KCNJ15: variants seen among roughly 807,000 people sequenced by gnomAD.
KCNJ15 encodes the protein ATP-sensitive inward rectifier potassium channel 15.
Under a neutral mutation model 23.0 loss-of-function variants are expected in KCNJ15, and 14 were observed. That is an observed-to-expected ratio of 0.61 (90% CI 0.40 to 0.95). KCNJ15 has a LOEUF of 0.95. Among genes scored for constraint, KCNJ15 ranks in the 40% least tolerant of loss-of-function variants. The pLI is 0.00. For missense variants in KCNJ15, 388 were observed against 461.8 expected, an observed-to-expected ratio of 0.84 and a Z score of 1.46; for synonymous variants, 185 against 183.2, an observed-to-expected ratio of 1.01 and a Z score of -0.08.
At chr21:38,271,294 G>A (rs1204911507) in intron 1 of KCNJ15, among the ~76,000 whole-genome samples, 4 of 152,286 alleles carry the variant, frequency 2.6e-5, no homozygotes, top group South Asian at 4.1e-4. Context: ...ACTGAAGCTC[G>A]GAGGGGCTGG....
chr21:38,277,376 C>T (rs1982829187), intron 1 of KCNJ15, among the ~76,000 whole-genome samples: 1 of 152,084 alleles, frequency 6.6e-6, no homozygotes, highest in South Asian at 2.1e-4. Flanking sequence ...CAGTAATTTC[C>T]AGGCTAATTT....
At chr21:38,271,562 A>G (rs1000261790) in intron 1 of KCNJ15, among the ~76,000 whole-genome samples, 8 of 152,202 alleles carry the variant, frequency 5.3e-5, no homozygotes, top group Non-Finnish European at 1.2e-4. Flanking sequence ...AGCAGTTGAA[A>G]TGTGTTTATA....
At chr21:38,260,679 G>A (rs574803767) in intron 1 of KCNJ15, among the ~76,000 whole-genome samples, 1 of 152,298 alleles carries the variant, frequency 6.6e-6, no homozygotes, top group Admixed American at 6.5e-5. Flanking sequence ...TTTGCATTTT[G>A]GTACAAAACA....
At chr21:38,276,587 AAAG>A (rs1306292557) in intron 1 of KCNJ15, among the ~76,000 whole-genome samples, 1 of 152,186 alleles carries the variant, frequency 6.6e-6, no homozygotes, top group African/African-American at 2.4e-5. Context: ...GAGAAGCAGA[AAAG>A]AGAACTATTG....
intron 1 of KCNJ15, among the ~76,000 whole-genome samples, chr21:38,264,323 G>A (rs948578021): frequency 1.3e-5 from 2 of 152,216 alleles, no homozygotes; most frequent in Admixed American, 1.3e-4. Context: ...ACTAGCCTAA[G>A]GGACTAATCT....
chr21:38,257,586 A>G (rs1270872371), intron 1 of KCNJ15, among the ~76,000 whole-genome samples: 2 of 152,232 alleles, frequency 1.3e-5, no homozygotes, highest in Non-Finnish European at 2.9e-5. Flanking sequence ...TCCTTTGTCA[A>G]TGGGGAAATC....
At chr21:38,240,401 A>C (rs980511419) in intron 1 of KCNJ15, among the ~76,000 whole-genome samples, 1 of 152,202 alleles carries the variant, frequency 6.6e-6, no homozygotes, top group Admixed American at 6.5e-5. Flanking sequence ...GAAAAAGCAA[A>C]AGTGGTTAAG....
intron 1 of KCNJ15, among the ~76,000 whole-genome samples, chr21:38,242,901 G>A (rs1004253445): frequency 1.3e-5 from 2 of 152,194 alleles, no homozygotes; most frequent in African/African-American, 4.8e-5. Context: ...CTATGGAAGG[G>A]TGCCGGGCCC....
chr21:38,267,938 G>A (rs1047794263), intron 1 of KCNJ15, among the ~76,000 whole-genome samples: 1 of 152,080 alleles, frequency 6.6e-6, no homozygotes, highest in South Asian at 2.1e-4. Context: ...GGTTACATCT[G>A]TTCTTGTAGT....
intron 1 of KCNJ15, among the ~76,000 whole-genome samples, chr21:38,263,779 G>T (rs913317063): frequency 7.9e-5 from 12 of 152,150 alleles, no homozygotes; most frequent in Non-Finnish European, 1.8e-4. Context: ...CATGTGACTG[G>T]CCAGCCTTCG....
intron 1 of KCNJ15, among the ~76,000 whole-genome samples, chr21:38,238,893 T>G (rs960878554): frequency 6.6e-6 from 1 of 152,258 alleles, no homozygotes; most frequent in African/African-American, 2.4e-5. Context: ...CTCTCTCACA[T>G]TTTTGTACTC....
In KCNJ15 at chr21:38,305,218, T is replaced by A. The variant is rs1200148118; in HGVS notation, c.*4829T>A. 6.6e-6 allele frequency: 1 copy of A among 152,142 alleles called. No individual in the cohort carries two copies. The highest frequency in any genetic ancestry group is 1.5e-5 in the Non-Finnish European group (1 of 68,024). The allele number at this position is 152,142 out of a possible 1,614,324, so 9.4% of individuals were successfully genotyped here. ...CCCAATTTCTTTTCAACATCATACA[T>A]GCTTGGTTGACTGTTTCTTCATATT... On this transcript the variant is annotated 3_prime_UTR_variant, in exon 3 of 3. Transcript: ENST00000398938.
At chr21:38,263,527 C>T (rs1457312853) in intron 1 of KCNJ15, among the ~76,000 whole-genome samples, 4 of 152,194 alleles carry the variant, frequency 2.6e-5, no homozygotes, top group South Asian at 2.1e-4. Flanking sequence ...GCAGCAAAGA[C>T]GTTCTTTAAC....
chr21:38,281,032 CCAGCCTCAGCCTCG>C (rs1024835994), intron 1 of KCNJ15, among the ~76,000 whole-genome samples: 36 of 152,272 alleles, frequency 2.4e-4, no homozygotes, highest in Admixed American at 1.9e-3. Context: ...GCTTTCACCT[CCAGCCTCAGCCTCG>C]CCTGGGAGCT....
chr21:38,259,563 T>C (rs1980666426), intron 1 of KCNJ15, among the ~76,000 whole-genome samples: 1 of 152,228 alleles, frequency 6.6e-6, no homozygotes, highest in Non-Finnish European at 1.5e-5. Context: ...AGAAAGCCAT[T>C]ACATGAGTTA....
chr21:38,291,519 A>T (rs1002736154), intron 1 of KCNJ15: 3 of 152,240 alleles, frequency 2.0e-5, no homozygotes, highest in African/African-American at 7.2e-5. Flanking sequence ...AATCCCAATG[A>T]CTTTCTCCAT....
chr21:38,251,152 C>A (rs928075943), intron 1 of KCNJ15, among the ~76,000 whole-genome samples: 4 of 152,184 alleles, frequency 2.6e-5, no homozygotes, highest in East Asian at 1.9e-4. Context: ...GAGAAGGTAA[C>A]TGTACTTAGC....
intron 1 of KCNJ15, among the ~76,000 whole-genome samples, chr21:38,246,619 C>T (rs1979386308): frequency 6.6e-6 from 1 of 152,110 alleles, no homozygotes; most frequent in Non-Finnish European, 1.5e-5. Context: ...CTCTCCAATG[C>T]TTGATTTTAA....
chr21:38,257,751 A>G (rs569284342), intron 1 of KCNJ15, among the ~76,000 whole-genome samples: 1 of 152,238 alleles, frequency 6.6e-6, no homozygotes. Context: ...ATGACCCATG[A>G]TTAATATGTT....
Sources: allele counts gnomAD v4.1 joint callset (sites outside exome capture counted in the v4.1 genomes callset), GRCh38; gene constraint gnomAD v4.1.1; transcripts MANE v1.5; gene names NCBI Gene and HGNC (gene_info 2026-07-23, HGNC 2026-07-21).